CORIN: variants seen among roughly 807,000 people sequenced by gnomAD.
The protein encoded by CORIN is atrial natriuretic peptide-converting enzyme.
A neutral mutation model predicts 125.3 loss-of-function variants in CORIN; 117 were observed. That is an observed-to-expected ratio of 0.93 (90% CI 0.80 to 1.09). The LOEUF (loss-of-function observed/expected upper bound fraction) is 1.09. Among genes scored for constraint, CORIN ranks in the 50% least tolerant of loss-of-function variants. The probability of loss-of-function intolerance (pLI) is 0.00; values close to 1 mark genes in which losing one functional copy is unlikely to be tolerated. For synonymous variants in CORIN, 450 were observed against 466.4 expected (o/e 0.96, Z 0.45); for missense variants, 1,253 against 1,306.7 (o/e 0.96, Z 0.63).
In CORIN at chr4:47,595,073, G is replaced by A. The variant is rs61758584; in HGVS notation, c.*648C>T. 1 of 152,046 alleles carries A rather than the reference G, an allele frequency of 6.6e-6. No homozygotes were observed. Among genetic ancestry groups the A allele is most frequent in the African/African-American group, 2.4e-5 (1 of 41,390 alleles). 9.4% of individuals were successfully genotyped at this position (152,046 alleles called of 1,614,324 possible). A position where few individuals can be genotyped will look rare whatever the true frequency, so the allele number is the denominator to read the frequency against. ...TCAGAATTATGCAAACATTAGAAGG[G>A]GGTAATAGTAAATACTTTAAACATG... On this transcript the variant is annotated 3_prime_UTR_variant, in exon 22 of 22. Transcript: ENST00000273857.
chr4:47,759,304 G>A lies in CORIN; in HGVS notation c.617+4075C>T, dbSNP rs56872946. On this transcript the variant is annotated intron_variant, in intron 4 of 21. Transcript: ENST00000273857. ...AAAACATAGGGGGAACCTATAGCCT[G>A]GTTAATGATTTTTGGGAAATGATCC... Among the ~76,000 whole-genome samples the A allele has an allele frequency of 3.6e-3, 549 of 152,190 alleles. 4 individuals are homozygous for A. The highest frequency in any genetic ancestry group is 0.013 in the African/African-American group (534 of 41,536).
At chr4:47,735,814 G>A (rs1161158731) in intron 5 of CORIN, among the ~76,000 whole-genome samples, 2 of 151,798 alleles carry the variant, frequency 1.3e-5, no homozygotes, top group African/African-American at 2.4e-5. Flanking sequence ...CAGCTACTCC[G>A]GAGGCTGAGA....
chr4:47,642,990 A>G, intron 15 of CORIN, 156 bp downstream of exon 15: 1 of 1,538,018 alleles, frequency 6.5e-7, no homozygotes, highest in Non-Finnish European at 8.7e-7. Context: ...TGAGTTGGAA[A>G]TAACACACAT....
intron 3 of CORIN, among the ~76,000 whole-genome samples, chr4:47,786,389 A>C (rs1339178808): frequency 6.6e-6 from 1 of 152,064 alleles, no homozygotes; most frequent in Non-Finnish European, 1.5e-5. Flanking sequence ...ACAGAAAAAA[A>C]AATTAGCTGG....
intron 5 of CORIN, among the ~76,000 whole-genome samples, chr4:47,741,875 A>C (rs1728412558): frequency 6.6e-6 from 1 of 152,008 alleles, no homozygotes; most frequent in Admixed American, 6.5e-5. Flanking sequence ...AGAAACAGAA[A>C]GTTAATTAGT....
In CORIN at chr4:47,623,117, T is replaced by TATATATATATACACAC. The variant is rs141525347; in HGVS notation, c.2540+453_2540+454insGTGTGTATATATATAT. ...CTCTCTATATATATATATATATATA[T>TATATATATATACACAC]ACACACACACACACACTCTCTCTGA... On this transcript the variant is annotated intron_variant, in intron 19 of 21. Coordinates refer to ENST00000273857, the MANE Select transcript of CORIN (RefSeq NM_006587.4). Among the ~76,000 whole-genome samples the TATATATATATACACAC allele has an allele frequency of 2.1e-3, 287 of 134,332 alleles. 1 individual carries two copies. Among genetic ancestry groups the TATATATATATACACAC allele is most frequent in the East Asian group, 0.017 (74 of 4,262 alleles). 88.1% of individuals were successfully genotyped at this position (134,332 alleles called of 152,430 possible).
intron 5 of CORIN, among the ~76,000 whole-genome samples, chr4:47,723,796 A>T (rs1205987075): frequency 2.0e-5 from 3 of 151,966 alleles, no homozygotes; most frequent in African/African-American, 7.3e-5. Flanking sequence ...GGAAATCGAG[A>T]CCATCCTGGC....
At chr4:47,747,606 C>A (rs899634547) in intron 4 of CORIN, among the ~76,000 whole-genome samples, 1 of 152,136 alleles carries the variant, frequency 6.6e-6, no homozygotes, top group Non-Finnish European at 1.5e-5. Flanking sequence ...AGGAGGCCAG[C>A]AGACTGTTTT....
intron 11 of CORIN, among the ~76,000 whole-genome samples, chr4:47,663,301 C>T (rs1422260698): frequency 2.0e-5 from 3 of 151,956 alleles, no homozygotes; most frequent in Non-Finnish European, 2.9e-5. Context: ...TGTAAGGACT[C>T]GATGTTAGAT....
intron 3 of CORIN, among the ~76,000 whole-genome samples, chr4:47,766,839 G>A (rs9996567): frequency 0.043 from 6,579 of 151,362 alleles, 432 homozygotes; most frequent in African/African-American, 0.15. Context: ...CCAGCTACTC[G>A]GGAGGCTGAG....
chr4:47,766,227 A>G (rs1336697379), intron 3 of CORIN, among the ~76,000 whole-genome samples: 1 of 152,206 alleles, frequency 6.6e-6, no homozygotes, highest in Non-Finnish European at 1.5e-5. Flanking sequence ...CATTGCTTTA[A>G]GCAGAACAAA....
intron 17 of CORIN, 84 bp downstream of exon 17, chr4:47,626,320 TA>T (rs1287959078): frequency 8.3e-6 from 7 of 839,470 alleles, no homozygotes; most frequent in African/African-American, 1.7e-5. Flanking sequence ...TGGATTATCT[TA>T]AGTTAAAAAA....
chr4:47,680,482 A>C, intron 7 of CORIN: 1 of 421,266 alleles, frequency 2.4e-6, no homozygotes, highest in Non-Finnish European at 4.3e-6. Context: ...ATAAGTAACT[A>C]CTCTAGCTGC....
At chr4:47,795,242 G>T (rs113788442) in intron 2 of CORIN, among the ~76,000 whole-genome samples, 1 of 151,960 alleles carries the variant, frequency 6.6e-6, no homozygotes, top group African/African-American at 2.4e-5. Context: ...TATCTTTGTC[G>T]TTTCTGCTCA....
At chr4:47,834,625 T>C (rs1309086092) in intron 1 of CORIN, among the ~76,000 whole-genome samples, 4 of 152,122 alleles carry the variant, frequency 2.6e-5, no homozygotes, top group Non-Finnish European at 4.4e-5. Context: ...AAAATAATAA[T>C]AACAATAATA....
chr4:47,713,240 A>G (rs769295317), intron 5 of CORIN, among the ~76,000 whole-genome samples: 2 of 152,238 alleles, frequency 1.3e-5, no homozygotes, highest in African/African-American at 2.4e-5. Context: ...TTTCTAGAGC[A>G]TTGTCATCAG....
intron 13 of CORIN, among the ~76,000 whole-genome samples, chr4:47,650,700 A>C (rs779616017): frequency 6.6e-6 from 1 of 152,184 alleles, no homozygotes; most frequent in Non-Finnish European, 1.5e-5. Context: ...CTCATTTATC[A>C]AGTTGCTAGT....
At chr4:47,672,340 T>G (rs1194597965) in intron 10 of CORIN, among the ~76,000 whole-genome samples, 1 of 152,166 alleles carries the variant, frequency 6.6e-6, no homozygotes, top group Non-Finnish European at 1.5e-5. Context: ...ATTCGAAATA[T>G]TTCAAATATA....
At chr4:47,716,349 A>G (rs539529342) in intron 5 of CORIN, among the ~76,000 whole-genome samples, 35 of 152,178 alleles carry the variant, frequency 2.3e-4, no homozygotes, top group Non-Finnish European at 5.0e-4. Flanking sequence ...TTTTGGAAGA[A>G]AAAAGGGCAT....
Sources: allele counts gnomAD v4.1 joint callset (sites outside exome capture counted in the v4.1 genomes callset), GRCh38; gene constraint gnomAD v4.1.1; transcripts MANE v1.5; gene names NCBI Gene and HGNC (gene_info 2026-07-23, HGNC 2026-07-21).